PDE1C: variants seen among roughly 807,000 people sequenced by gnomAD.
The protein encoded by PDE1C is phosphodiesterase 1C, also known as dual specificity calcium/calmodulin-dependent 3',5'-cyclic nucleotide phosphodiesterase 1C.
In PDE1C, 62 loss-of-function variants were observed where a neutral mutation model predicts 93.1. The ratio of observed to expected loss-of-function variants is 0.67; its 90% CI spans 0.54 to 0.82. The LOEUF is 0.82. Ranked by LOEUF, PDE1C falls within the 40% of genes least tolerant of loss-of-function variation. The pLI is 0.00. For synonymous variants in PDE1C, 325 were observed against 310.1 expected (o/e 1.05, Z -0.50); for missense variants, 742 against 884.6 (o/e 0.84, Z 2.04).
chr7:32,421,543 T>C (rs750732462), intron 1 of PDE1C, among the ~76,000 whole-genome samples: 5 of 152,244 alleles, frequency 3.3e-5, no homozygotes, highest in Non-Finnish European at 5.9e-5. Context: ...GAAAATGGGC[T>C]CAGAGAAATT....
At chr7:31,947,005 G>C (rs556037946) in intron 2 of PDE1C, among the ~76,000 whole-genome samples, 1 of 152,154 alleles carries the variant, frequency 6.6e-6, no homozygotes, top group Non-Finnish European at 1.5e-5. Flanking sequence ...TAATTGTTGC[G>C]TAGTTACAGA....
intron 2 of PDE1C, among the ~76,000 whole-genome samples, chr7:31,894,436 A>C (rs1361444570): frequency 1.3e-5 from 2 of 152,224 alleles, no homozygotes; most frequent in African/African-American, 2.4e-5. Flanking sequence ...AATAGAACAA[A>C]ATAAGCATAT....
intron 2 of PDE1C, among the ~76,000 whole-genome samples, chr7:32,032,090 A>C (rs1454420922): frequency 6.6e-6 from 1 of 152,180 alleles, no homozygotes; most frequent in East Asian, 1.9e-4. Context: ...AAACTACAAT[A>C]AAGTCAAAAG....
intron 1 of PDE1C, among the ~76,000 whole-genome samples, chr7:32,353,495 C>T (rs1585121849): frequency 1.1e-4 from 1 of 8,882 alleles, no homozygotes; most frequent in Non-Finnish European, 2.0e-3. Context: ...CTCTTTTTTT[C>T]TTTATTTTGA....
intron 3 of PDE1C, among the ~76,000 whole-genome samples, chr7:32,124,609 C>T (rs1799469325): frequency 1.3e-5 from 2 of 152,136 alleles, no homozygotes; most frequent in Non-Finnish European, 2.9e-5. Flanking sequence ...AGGAAAGGAT[C>T]TCCTATCCAA....
intron 2 of PDE1C, among the ~76,000 whole-genome samples, chr7:31,896,035 A>G (rs2128909957): frequency 6.6e-6 from 1 of 152,258 alleles, no homozygotes; most frequent in African/African-American, 2.4e-5. Context: ...ACACAAACAC[A>G]CACACAAACT....
At chr7:32,420,927 A>G (rs1785419432) in intron 1 of PDE1C, among the ~76,000 whole-genome samples, 2 of 152,132 alleles carry the variant, frequency 1.3e-5, no homozygotes, top group Admixed American at 1.3e-4. Flanking sequence ...TGATGTGTGC[A>G]TGCTGTTTCA....
intron 2 of PDE1C, among the ~76,000 whole-genome samples, chr7:31,972,460 C>A (rs548395638): frequency 7.9e-4 from 121 of 152,204 alleles, no homozygotes; most frequent in Non-Finnish European, 1.3e-3. Context: ...AGTCTCTAAG[C>A]AAGAGCCAAA....
intron 7 of PDE1C, among the ~76,000 whole-genome samples, chr7:31,858,607 CT>C: frequency 6.6e-6 from 1 of 152,010 alleles, no homozygotes; most frequent in Non-Finnish European, 1.5e-5. Context: ...AATATGTTAC[CT>C]TATGTTATTT....
At chr7:31,707,555 G>A in the PDE1C span, 8 of 388,124 alleles carry the variant, frequency 2.1e-5, no homozygotes, top group African/African-American at 1.7e-4. Flanking sequence ...AGGTAACAGG[G>A]AAAGCACTGG....
intron 2 of PDE1C, among the ~76,000 whole-genome samples, chr7:31,911,126 T>C (rs1331823599): frequency 6.6e-6 from 1 of 152,140 alleles, no homozygotes; most frequent in African/African-American, 2.4e-5. Context: ...ATTATTAGTG[T>C]TTTAACAACA....
chr7:32,141,372 G>A (rs1025411297), intron 3 of PDE1C, among the ~76,000 whole-genome samples: 1 of 152,162 alleles, frequency 6.6e-6, no homozygotes, highest in African/African-American at 2.4e-5. Context: ...CATGGAAAGG[G>A]GAATACGGTA....
chr7:32,000,207 C>T (rs1785283415), intron 2 of PDE1C, among the ~76,000 whole-genome samples: 1 of 152,134 alleles, frequency 6.6e-6, no homozygotes, highest in Non-Finnish European at 1.5e-5. Context: ...TTCTGTGCCT[C>T]AGATTTCCTC....
At chr7:32,157,335 C>T (rs1161812553) in intron 3 of PDE1C, among the ~76,000 whole-genome samples, 3 of 152,050 alleles carry the variant, frequency 2.0e-5, no homozygotes, top group African/African-American at 7.2e-5. Flanking sequence ...AGAGGAGAAC[C>T]ATAGAGTTCC....
intron 17 of PDE1C, among the ~76,000 whole-genome samples, chr7:31,764,908 T>C (rs1387722546): frequency 2.0e-5 from 3 of 152,238 alleles, no homozygotes; most frequent in Non-Finnish European, 2.9e-5. Flanking sequence ...ACTTTGAATA[T>C]ACACAAGCTG....
chr7:31,998,258 A>G (rs1209679232), intron 2 of PDE1C, among the ~76,000 whole-genome samples: 1 of 152,048 alleles, frequency 6.6e-6, no homozygotes, highest in African/African-American at 2.4e-5. Context: ...TGACCTCGTG[A>G]TTCTCCCGCC....
intron 5 of PDE1C, among the ~76,000 whole-genome samples, chr7:31,875,282 A>G (rs1796405021): frequency 6.6e-6 from 1 of 152,214 alleles, no homozygotes; most frequent in Non-Finnish European, 1.5e-5. Context: ...AGAGATTATC[A>G]TGATAAAAAG....
chr7:31,968,930 G>T (rs1462040841), intron 2 of PDE1C, among the ~76,000 whole-genome samples: 1 of 152,206 alleles, frequency 6.6e-6, no homozygotes, highest in Non-Finnish European at 1.5e-5. Context: ...CCAGCCATAT[G>T]TAGAAAGCTG....
intron 2 of PDE1C, among the ~76,000 whole-genome samples, chr7:31,984,785 C>T (rs1249143357): frequency 9.2e-5 from 14 of 152,170 alleles, no homozygotes. Flanking sequence ...TTAACAAAAA[C>T]ATTGACTGTT....
Sources: gnomAD v4.1 joint callset for allele counts (sites outside exome capture counted in the v4.1 genomes callset) on GRCh38, gnomAD v4.1.1 for gene constraint, MANE v1.5 for transcripts, NCBI Gene and HGNC (gene_info 2026-07-23, HGNC 2026-07-21) for gene names.